Variants in FADS2 observed in about 807,000 individuals in gnomAD.
The protein encoded by FADS2 is acyl-CoA 6-desaturase.
A neutral mutation model predicts 61.2 loss-of-function variants in FADS2; 18 were observed. That is an observed-to-expected ratio of 0.29 (90% CI 0.20 to 0.44). The LOEUF (loss-of-function observed/expected upper bound fraction) is 0.44, where lower values mean the gene tolerates loss of function less well. Among genes scored for constraint, FADS2 ranks in the 20% least tolerant of loss-of-function variants. The probability of loss-of-function intolerance (pLI) is 1.00; values close to 1 mark genes in which losing one functional copy is unlikely to be tolerated. For missense variants in FADS2, 322 were observed against 572.7 expected (o/e 0.56, Z 4.47); for synonymous variants, 203 against 223.9 (o/e 0.91, Z 0.83).
intron 1 of FADS2, chr11:61,821,616 C>T (rs1421648702): frequency 5.4e-6 from 3 of 555,662 alleles, no homozygotes; most frequent in Non-Finnish European, 6.4e-6. Context: ...AGTAGCAGCC[C>T]TTCAGGCCAT....
At position 61,848,147 on chromosome 11, in the gene FADS2, C is replaced by G. The variant is rs770243987; in HGVS notation, c.619-12C>G. 3.7e-6 allele frequency: 6 copies of G among 1,614,112 alleles called. No individual in the cohort carries two copies. Among genetic ancestry groups the G allele is most frequent in the South Asian group, 1.1e-5 (1 of 91,088 alleles). The stretch of plus-strand genomic sequence containing the variant: ...GCTTGCATGGCTCATCCCCACCCCT[C>G]TCTCCCCACAGGGTGCCTCTGCCAA... On this transcript the variant is annotated splice_polypyrimidine_tract_variant and intron_variant, in intron 4 of 11. Coordinates refer to ENST00000278840, the MANE Select transcript of FADS2 (RefSeq NM_004265.4).
chr11:61,832,050 C>T (rs2067135528), intron 1 of FADS2, among the ~76,000 whole-genome samples: 1 of 152,200 alleles, frequency 6.6e-6, no homozygotes. Context: ...AGACCTGAAG[C>T]TGTGGGATGT....
At chr11:61,824,433 AGGGAGGGAGGGAGGGAGGGAGGGAGG>A (rs1565325176), upstream of FADS2, among the ~76,000 whole-genome samples, 665 of 5,792 alleles carry the variant, frequency 0.11, 44 homozygotes, top group Middle Eastern at 0.2. Flanking sequence ...AGAGAGAGAG[AGGGAGGGAGGGAGGGAGGGAGGGAGG>A]GAGAGAGAGA....
rs534467355 is a variant in FADS2 at position 61,847,983 on chromosome 11, C to T, written c.619-176C>T. On this transcript the variant is annotated intron_variant, in intron 4 of 11. Coordinates refer to ENST00000278840, the MANE Select transcript of FADS2 (RefSeq NM_004265.4). Reference sequence around the variant, plus strand: ...TAAAGTGACTTCACTCCATCTGGGGCTGGCGCATGCTCTGAGCTCAGTCAT... The same window carrying T: ...TAAAGTGACTTCACTCCATCTGGGGTTGGCGCATGCTCTGAGCTCAGTCAT... 1.5e-5 allele frequency: 10 copies of T among 650,598 alleles called. No individual in the cohort carries two copies. The African/African-American group carries it at 1.6e-4, about 11-fold the overall frequency. 40.3% of individuals were successfully genotyped at this position (650,598 alleles called of 1,614,324 possible). A position where few individuals can be genotyped will look rare whatever the true frequency, so the allele number is the denominator to read the frequency against.
At position 61,857,543 on chromosome 11, in the gene FADS2, C is replaced by T; in HGVS notation, c.882+13C>T. The T allele has an allele frequency of 6.2e-7, 1 of 1,609,942 alleles. No individual in the cohort carries two copies. Among genetic ancestry groups the T allele is most frequent in the Non-Finnish European group, 8.5e-7 (1 of 1,176,368 alleles). ...TAAGAACTGGGTGGTGAGTTGGGGA[C>T]ACAGCTGGCTTGGCATGGGGAGGAG... On this transcript the variant is annotated intron_variant, in intron 7 of 11. Transcript: ENST00000278840.
In FADS2 at chr11:61,865,716, G is replaced by A; in HGVS notation, c.*27G>A. 6.3e-7 allele frequency: 1 copy of A among 1,597,760 alleles called. No individual in the cohort carries two copies. Among genetic ancestry groups the A allele is most frequent in the African/African-American group, 1.3e-5 (1 of 74,798 alleles). The stretch of plus-strand genomic sequence containing the variant: ...GCCACAGCCCCCGGGACACCGTGGG[G>A]AAGGGGTGCAGGTGGGGTGATGGCC... On this transcript the variant is annotated 3_prime_UTR_variant, in exon 12 of 12. Transcript: ENST00000278840. This position sits in a 1 kb window ranked among gnomAD's most constrained non-coding sequence, Gnocchi z 4.1.
intron 1 of FADS2, among the ~76,000 whole-genome samples, chr11:61,835,598 G>T (rs1014778950): frequency 8.6e-5 from 13 of 151,186 alleles, no homozygotes; most frequent in Admixed American, 3.3e-4. Flanking sequence ...TAGAGACGGG[G>T]TTTCACCATG....
chr11:61,865,347 G>A lies in FADS2; in HGVS notation c.1283+70G>A, dbSNP rs2067459354. The A allele has an allele frequency of 8.3e-6, 13 of 1,568,874 alleles. No homozygotes were observed. The highest frequency in any genetic ancestry group is 4.6e-5 in the East Asian group (2 of 43,790). On this transcript the variant is annotated intron_variant, in intron 11 of 11. Transcript: ENST00000278840. The surrounding 1 kb of genome is among the most constrained non-coding windows in gnomAD (Gnocchi z 4.1). ...TGGTGCAGACAGTGGGATCACAAGA[G>A]GGGCTGGGCCCTCCTGGCACAGTCA...
At chr11:61,863,836 TG>T (rs767923729) in intron 10 of FADS2, 50 bp downstream of exon 10, 57 of 1,424,612 alleles carry the variant, frequency 4.0e-5, no homozygotes, top group Middle Eastern at 1.7e-4. Context: ...GGGAGGGAAG[TG>T]GCCGCTATCC....
rs887078401 is a variant in FADS2, at chr11:61,816,970, C to G, written c.141+544C>G. 10 of 1,368,612 alleles carry G rather than the reference C, an allele frequency of 7.3e-6. No individual in the cohort carries two copies. Among genetic ancestry groups the G allele is most frequent in the Admixed American group, 3.9e-5 (1 of 25,582 alleles). 84.8% of individuals were successfully genotyped at this position (1,368,612 alleles called of 1,614,324 possible). ...GCGCGGGGAGCGAGATCCCGTCCCCCGGTGGGTCTTGGGCAACTCACAGCT... is the reference window on the plus strand; with the variant it reads ...GCGCGGGGAGCGAGATCCCGTCCCCGGGTGGGTCTTGGGCAACTCACAGCT... On this transcript the variant is annotated intron_variant, in intron 1 of 11. Transcript: ENST00000257261. This position sits in a 1 kb window ranked among gnomAD's most constrained non-coding sequence, Gnocchi z 7.0.
chr11:61,864,932 T>G (rs1219948488), intron 10 of FADS2, among the ~76,000 whole-genome samples: 2 of 152,146 alleles, frequency 1.3e-5, no homozygotes, highest in Admixed American at 6.5e-5. Context: ...CCCAGCTCCA[T>G]AGAGCACAAA....
Position 61,853,086 on chromosome 11 carries a change from C to T in FADS2, c.745-3925C>T, listed in dbSNP as rs561633959. On this transcript the variant is annotated intron_variant, in intron 5 of 11. Coordinates refer to ENST00000278840, the MANE Select transcript of FADS2 (RefSeq NM_004265.4). Reference sequence around the variant, plus strand: ...AAGAGAATCGCTTGAACCTGGGAGGCGGAGGTTGCAGTGAGCTGAGATAGC... The same window carrying T: ...AAGAGAATCGCTTGAACCTGGGAGGTGGAGGTTGCAGTGAGCTGAGATAGC... Among the ~76,000 whole-genome samples the T allele has an allele frequency of 6.6e-5, 10 of 152,144 alleles. 1 individual carries two copies. In the East Asian group the frequency reaches 1.7e-3, roughly 26 times the overall value.
chr11:61,855,328 T>C (rs556367449), intron 5 of FADS2: 1 of 152,346 alleles, frequency 6.6e-6, no homozygotes, highest in South Asian at 2.1e-4. Flanking sequence ...CCCTGGCCTC[T>C]GGGAGAAGCT....
intron 1 of FADS2, among the ~76,000 whole-genome samples, chr11:61,818,423 A>G (rs1165081963): frequency 6.6e-6 from 1 of 152,198 alleles, no homozygotes; most frequent in Non-Finnish European, 1.5e-5. Flanking sequence ...GGCAGTGTCT[A>G]ATGCGAGCTA....
Position 61,828,511 on chromosome 11 carries a change from C to T in FADS2, c.121C>T (p.Arg41Cys). 2.5e-6 allele frequency: 4 copies of T among 1,613,800 alleles called. No homozygotes were observed. The highest frequency in any genetic ancestry group is 3.4e-6 in the Non-Finnish European group (4 of 1,179,982). ...LRTDRWLVIDRKVYNITKWSI... is the reference protein window; with the variant it reads ...LRTDRWLVIDCKVYNITKWSI... Reference sequence around the variant, plus strand: ...CACCGACAGGTGGCTGGTCATTGACCGCAAGGTTTACAACATCACCAAATG... The same window carrying T: ...CACCGACAGGTGGCTGGTCATTGACTGCAAGGTTTACAACATCACCAAATG... Residue 41 changes from arginine to cysteine, a missense_variant, in exon 1 of 12, where the codon CGC becomes TGC. Transcript: ENST00000278840. The surrounding 1 kb of genome is among the most constrained non-coding windows in gnomAD (Gnocchi z 6.4).
At chr11:61,861,478 T>G (rs2067416587) in intron 7 of FADS2, among the ~76,000 whole-genome samples, 1 of 150,034 alleles carries the variant, frequency 6.7e-6, no homozygotes, top group Non-Finnish European at 1.5e-5. Context: ...CAAGATCCCA[T>G]CTCCAAAAAA....
Position 61,865,293 on chromosome 11 carries a change from CCA to C in FADS2, c.1283+19_1283+20del, listed in dbSNP as rs1306686316. ...ACATCATCAGGTGAGGGGTGGAGGT[CCA>C]CAGGCGCTGGGCCCTGGGATCACCC... On this transcript the variant is annotated intron_variant, in intron 11 of 11. Transcript: ENST00000278840. This position sits in a 1 kb window ranked among gnomAD's most constrained non-coding sequence, Gnocchi z 4.1. The C allele has an allele frequency of 6.2e-7, 1 of 1,611,708 alleles. No individual in the cohort carries two copies. Among genetic ancestry groups the C allele is most frequent in the Middle Eastern group, 2.0e-4 (1 of 4,978 alleles).
rs762705679 is a variant in FADS2, at chr11:61,828,554, G to C, written c.164G>C (p.Gly55Ala). Residue 55 changes from glycine to alanine, a missense_variant, in exon 1 of 12, where the codon GGG becomes GCG. Coordinates refer to ENST00000278840, the MANE Select transcript of FADS2 (RefSeq NM_004265.4). The surrounding 1 kb of genome is among the most constrained non-coding windows in gnomAD (Gnocchi z 6.4). ...NITKWSIQHP[G>A]GQRVIGHYAG... ...ACCAAATGGTCCATCCAGCACCCGG[G>C]GGGCCAGCGGGTCATCGGGCACTAC... 2 of 1,614,026 alleles carry C rather than the reference G, an allele frequency of 1.2e-6. No homozygotes were observed. Among genetic ancestry groups the C allele is most frequent in the South Asian group, 1.1e-5 (1 of 91,042 alleles).
chr11:61,831,377 G>A (rs2067127353), intron 1 of FADS2, among the ~76,000 whole-genome samples: 4 of 152,144 alleles, frequency 2.6e-5, no homozygotes, highest in Admixed American at 2.6e-4. Context: ...GCAATGTTCT[G>A]AGCCCATCAC....
Sources: allele counts gnomAD v4.1 joint callset (sites outside exome capture counted in the v4.1 genomes callset), GRCh38; gene constraint gnomAD v4.1.1; non-coding constraint Gnocchi (gnomAD v3.1); transcripts MANE v1.5; gene names NCBI Gene and HGNC (gene_info 2026-07-23, HGNC 2026-07-21).